The following PTPRD variants were observed in gnomAD, a reference collection of about 807,000 sequenced individuals.
PTPRD encodes protein tyrosine phosphatase receptor type D, also known as receptor-type tyrosine-protein phosphatase delta.
Under a neutral mutation model 214.5 loss-of-function variants are expected in PTPRD, and 34 were observed. That is an observed-to-expected ratio of 0.16 (90% confidence interval 0.12 to 0.21). PTPRD has a LOEUF of 0.21. Among genes scored for constraint, PTPRD ranks in the 10% least tolerant of loss-of-function variants. PTPRD has a pLI of 1.00. For synonymous variants in PTPRD, 1,128 were observed against 845.7 expected (o/e 1.33, Z -5.79); for missense variants, 2,545 against 2,398.7 (o/e 1.06, Z -1.27).
chr9:10,143,373 A>C (rs776946554), intron 3 of PTPRD, among the ~76,000 whole-genome samples: 3 of 152,176 alleles, frequency 2.0e-5, no homozygotes, highest in African/African-American at 4.8e-5. Context: ...ATCTTACACC[A>C]GTTAGAATGG....
At chr9:9,108,198 T>TA in intron 10 of PTPRD, among the ~76,000 whole-genome samples, 1 of 152,188 alleles carries the variant, frequency 6.6e-6, no homozygotes, top group East Asian at 1.9e-4. Flanking sequence ...CGTTTGTCTG[T>TA]ATGAATTAAG....
intron 5 of PTPRD, among the ~76,000 whole-genome samples, chr9:9,884,382 T>C (rs375114549): frequency 6.6e-6 from 1 of 152,172 alleles, no homozygotes; most frequent in South Asian, 2.1e-4. Context: ...AGTGTACATG[T>C]AAGTCAGGAA....
At chr9:10,431,448 A>G (rs2098677587) in intron 2 of PTPRD, among the ~76,000 whole-genome samples, 1 of 152,132 alleles carries the variant, frequency 6.6e-6, no homozygotes, top group African/African-American at 2.4e-5. Context: ...ATCTAATGAA[A>G]CTAAAGAGCT....
intron 3 of PTPRD, among the ~76,000 whole-genome samples, chr9:10,295,556 C>G (rs985906538): frequency 2.0e-5 from 3 of 152,086 alleles, no homozygotes; most frequent in African/African-American, 7.2e-5. Context: ...GATTACACAG[C>G]ATTCACATAC....
intron 12 of PTPRD, among the ~76,000 whole-genome samples, chr9:8,641,423 T>C (rs537607686): frequency 6.7e-6 from 1 of 148,746 alleles, no homozygotes; most frequent in East Asian, 1.9e-4. Context: ...CATTGCCATC[T>C]ACCTGAAGCT....
intron 2 of PTPRD, among the ~76,000 whole-genome samples, chr9:10,396,086 A>C (rs1228576594): frequency 1.3e-5 from 2 of 151,860 alleles, no homozygotes; most frequent in Non-Finnish European, 2.9e-5. Context: ...CGTGAGCCTG[A>C]ATGCATCCCT....
chr9:10,110,210 G>C lies in PTPRD; in HGVS notation c.-544-76420C>G, dbSNP rs559136689. Among the ~76,000 whole-genome samples the C allele has an allele frequency of 2.6e-5, 4 of 152,272 alleles. No homozygotes were observed. The East Asian group carries it at 7.7e-4, about 29-fold the overall frequency. On this transcript the variant is annotated intron_variant, in intron 3 of 45. Coordinates refer to ENST00000381196, the MANE Select transcript of PTPRD (RefSeq NM_002839.4). ...GAAAGACAGCTCTCTTTCATCTACA[G>C]CACTAAATCAAATTATGAAGTAGCT... is the stretch of plus-strand genomic sequence containing the variant.
Position 8,341,986 on chromosome 9 carries a change from G to A in PTPRD, c.4662-8C>T. 1 of 1,580,082 alleles carries A rather than the reference G, an allele frequency of 6.3e-7. No individual in the cohort carries two copies. The highest frequency in any genetic ancestry group is 8.6e-7 in the Non-Finnish European group (1 of 1,166,342). On this transcript the variant is annotated splice_region_variant and splice_polypyrimidine_tract_variant and intron_variant, in intron 39 of 45. Coordinates refer to ENST00000381196, the MANE Select transcript of PTPRD (RefSeq NM_002839.4). ...GTCCGGCCAACTCCCGCACTATGAG[G>A]AAAATAGAGAAGAAAAGCCCAAATA...
intron 11 of PTPRD, among the ~76,000 whole-genome samples, chr9:8,982,031 T>A (rs933770130): frequency 6.6e-6 from 1 of 151,992 alleles, no homozygotes; most frequent in African/African-American, 2.4e-5. Flanking sequence ...GTAAGAAAAT[T>A]TGTAACTTAA....
intron 5 of PTPRD, among the ~76,000 whole-genome samples, chr9:9,910,609 T>G (rs1257935080): frequency 2.6e-5 from 4 of 152,074 alleles, no homozygotes; most frequent in Non-Finnish European, 5.9e-5. Flanking sequence ...TTGCTTCAAT[T>G]TATATTTAAT....
At chr9:9,986,067 C>A (rs1211754841) in intron 4 of PTPRD, among the ~76,000 whole-genome samples, 3 of 152,138 alleles carry the variant, frequency 2.0e-5, no homozygotes, top group Non-Finnish European at 2.9e-5. Context: ...ACACTTTTCA[C>A]TAATTAAAAC....
chr9:10,264,771 G>T (rs761724301), intron 3 of PTPRD, among the ~76,000 whole-genome samples: 9 of 152,094 alleles, frequency 5.9e-5, no homozygotes, highest in Non-Finnish European at 1.2e-4. Context: ...GGGACCAGGG[G>T]CGGAATGATA....
chr9:9,654,095 G>C (rs1181566480), intron 7 of PTPRD, among the ~76,000 whole-genome samples: 3 of 152,076 alleles, frequency 2.0e-5, no homozygotes, highest in African/African-American at 7.2e-5. Context: ...GCTGGGTTCT[G>C]ATAATTCATT....
intron 3 of PTPRD, among the ~76,000 whole-genome samples, chr9:10,292,737 G>A (rs1017788082): frequency 2.7e-5 from 4 of 150,686 alleles, no homozygotes; most frequent in Non-Finnish European, 5.9e-5. Flanking sequence ...TTAACTTTCC[G>A]GCACTCTCCT....
At chr9:10,176,658 C>T (rs2099250295) in intron 3 of PTPRD, among the ~76,000 whole-genome samples, 1 of 151,908 alleles carries the variant, frequency 6.6e-6, no homozygotes, top group Non-Finnish European at 1.5e-5. Flanking sequence ...TGACAGGGGC[C>T]TAGGAAGTGA....
chr9:10,033,464 T>TA (rs2097122006), intron 4 of PTPRD, among the ~76,000 whole-genome samples: 1 of 151,970 alleles, frequency 6.6e-6, no homozygotes, highest in Non-Finnish European at 1.5e-5. Context: ...ACTTTAAAAT[T>TA]AAAAATACTG....
intron 11 of PTPRD, among the ~76,000 whole-genome samples, chr9:8,907,517 C>CAAAAAAAAAAAAA (rs60277757): frequency 1.3e-5 from 1 of 79,702 alleles, no homozygotes; most frequent in Non-Finnish European, 2.5e-5. Flanking sequence ...GACTCCGTCT[C>CAAAAAAAAAAAAA]AAAAAAAAAA....
chr9:8,618,724 T>C (rs958156539), intron 14 of PTPRD, among the ~76,000 whole-genome samples: 2 of 151,892 alleles, frequency 1.3e-5, no homozygotes, highest in Non-Finnish European at 2.9e-5. Context: ...TTAGACAGAG[T>C]ATTGCTCTGT....
chr9:10,504,999 T>C (rs934802895), intron 2 of PTPRD, among the ~76,000 whole-genome samples: 1 of 152,194 alleles, frequency 6.6e-6, no homozygotes, highest in Non-Finnish European at 1.5e-5. Context: ...AATTTTGAAC[T>C]GCTCAAACAC....
Sources: gnomAD v4.1 joint callset for allele counts (sites outside exome capture counted in the v4.1 genomes callset) on GRCh38, gnomAD v4.1.1 for gene constraint, MANE v1.5 for transcripts, NCBI Gene and HGNC (gene_info 2026-07-23, HGNC 2026-07-21) for gene names.